The following EDA variants were observed in gnomAD, a reference collection of about 807,000 sequenced individuals.
EDA encodes ectodysplasin-A.
Under a neutral mutation model 23.6 loss-of-function variants are expected in EDA, and 2 were observed. The observed-to-expected ratio is 0.08, with a 90% CI of 0.03 to 0.27. EDA has a LOEUF of 0.27. Among genes scored for constraint, EDA ranks in the 10% least tolerant of loss-of-function variants. The pLI is 1.00. For synonymous variants in EDA, 131 were observed against 132.0 expected (o/e 0.99, Z 0.05); for missense variants, 229 against 324.2 (o/e 0.71, Z 2.26).
chrX:69,725,638 A>G (rs1192648499), intron 1 of EDA, among the ~76,000 whole-genome samples: 1 of 112,380 alleles, frequency 8.9e-6, no homozygotes, highest in African/African-American at 3.2e-5. Flanking sequence ...TTGAAGAGTT[A>G]TTGACACATA....
Position 69,616,184 on chromosome X carries a change from C to A in EDA, c.-125C>A. The A allele has an allele frequency of 3.6e-6, 3 of 824,365 alleles. No individual in the cohort carries two copies. Among genetic ancestry groups the A allele is most frequent in the Non-Finnish European group, 5.1e-6 (3 of 588,241 alleles). The allele number at this position is 824,365 out of a possible 1,213,427, so 67.9% of individuals were successfully genotyped here. On this transcript the variant is annotated 5_prime_UTR_variant, in exon 1 of 8. Coordinates refer to ENST00000374552, the MANE Select transcript of EDA (RefSeq NM_001399.5). ...GCTCCGTCCCGCCCAGCCACTGTCG[C>A]GCAGGAACGGGTCCCTGCAGCCCCC...
Position 69,781,685 on chromosome X carries a change from C to T in EDA, c.396+164981C>T, listed in dbSNP as rs193020274. 2.8e-4 allele frequency among the ~76,000 whole-genome samples: 31 copies of T among 110,612 alleles called. No homozygotes were observed. The East Asian group carries it at 7.7e-3, about 28-fold the overall frequency. ...TAGTATATTCTTTCGTATGACTTTC[C>T]GAAGTGGCCTCAACAGAAACCTATA... On this transcript the variant is annotated intron_variant, in intron 1 of 7. Transcript: ENST00000374552.
At chrX:69,935,362 C>A (rs2018657145) in intron 1 of EDA, among the ~76,000 whole-genome samples, 1 of 111,330 alleles carries the variant, frequency 9.0e-6, no homozygotes, top group Non-Finnish European at 1.9e-5. Context: ...TTTTGAGGAA[C>A]CTCCAAACTG....
intron 2 of EDA, among the ~76,000 whole-genome samples, chrX:70,015,379 C>G (rs1176588764): frequency 2.7e-5 from 3 of 111,642 alleles, no homozygotes; most frequent in African/African-American, 9.8e-5. Flanking sequence ...TTGAGACCAC[C>G]CTGGCCAACA....
intron 1 of EDA, among the ~76,000 whole-genome samples, chrX:69,932,068 TGAGA>T (rs914760137): frequency 1.5e-4 from 17 of 112,002 alleles, no homozygotes; most frequent in African/African-American, 5.5e-4. Context: ...CTAATTATGC[TGAGA>T]GAAAGAAGCC....
At chrX:69,653,870 C>T (rs1933194000) in intron 1 of EDA, among the ~76,000 whole-genome samples, 1 of 111,586 alleles carries the variant, frequency 9.0e-6, no homozygotes, top group Non-Finnish European at 1.9e-5. Context: ...TAGGCAATAC[C>T]ATTCAGGACA....
At chrX:69,831,348 T>G (rs1258704903) in intron 1 of EDA, among the ~76,000 whole-genome samples, 1 of 112,086 alleles carries the variant, frequency 8.9e-6, no homozygotes, top group African/African-American at 3.2e-5. Context: ...AGAATGATGG[T>G]TTCCAGCTTC....
intron 1 of EDA, among the ~76,000 whole-genome samples, chrX:69,619,061 T>C (rs1012616012): frequency 1.8e-5 from 2 of 112,371 alleles, no homozygotes; most frequent in Non-Finnish European, 3.8e-5. Flanking sequence ...TTCTACATTG[T>C]GCTGACAGAT....
At chrX:70,020,167 T>C (rs1019214135) in intron 2 of EDA, among the ~76,000 whole-genome samples, 3 of 111,713 alleles carry the variant, frequency 2.7e-5, no homozygotes, top group African/African-American at 9.7e-5. Flanking sequence ...ATTATTAGGT[T>C]TAACTACATG....
chrX:69,754,282 A>G (rs1466252411), intron 1 of EDA, among the ~76,000 whole-genome samples: 2 of 111,000 alleles, frequency 1.8e-5, no homozygotes, highest in Non-Finnish European at 3.8e-5. Context: ...CAAAATCAGC[A>G]TTTGTTTGTC....
chrX:69,792,719 T>G (rs1274078598), intron 1 of EDA, among the ~76,000 whole-genome samples: 2 of 112,253 alleles, frequency 1.8e-5, no homozygotes. Flanking sequence ...CCCGGATAAT[T>G]AGTGATATTG....
At chrX:69,947,599 T>C (rs1403210691) in intron 1 of EDA, among the ~76,000 whole-genome samples, 2 of 112,249 alleles carry the variant, frequency 1.8e-5, no homozygotes, top group East Asian at 5.6e-4. Flanking sequence ...CCTTCTGCCA[T>C]TGTATTTCTA....
chrX:70,030,428 T>G (rs376452253), intron 5 of EDA, 41 bp from the exon 6 acceptor site: 15 of 1,139,843 alleles, frequency 1.3e-5, no homozygotes, highest in Non-Finnish European at 1.7e-5. Flanking sequence ...CAAGCAGCCA[T>G]TACTCATAGT....
chrX:69,713,957 T>A (rs1164896191), intron 1 of EDA, among the ~76,000 whole-genome samples: 1 of 110,448 alleles, frequency 9.1e-6, no homozygotes, highest in Non-Finnish European at 1.9e-5. Flanking sequence ...TGCCAAACTA[T>A]TTACAATAAT....
intron 1 of EDA, among the ~76,000 whole-genome samples, chrX:69,718,214 T>G (rs931412225): frequency 6.2e-5 from 7 of 112,284 alleles, no homozygotes; most frequent in African/African-American, 2.3e-4. Flanking sequence ...GTAGTTTCCT[T>G]GGGATCTTCA....
intron 1 of EDA, among the ~76,000 whole-genome samples, chrX:69,650,382 A>T (rs915401025): frequency 1.8e-5 from 2 of 111,990 alleles, no homozygotes; most frequent in Admixed American, 1.9e-4. Flanking sequence ...ATATGTACTT[A>T]CAAAGGGCTA....
chrX:69,764,593 A>T (rs1418194248), intron 1 of EDA, among the ~76,000 whole-genome samples: 1 of 110,742 alleles, frequency 9.0e-6, no homozygotes, highest in East Asian at 2.8e-4. Context: ...CCTAATAAGT[A>T]TTACATAATA....
At chrX:69,683,435 G>A (rs1407161663) in intron 1 of EDA, among the ~76,000 whole-genome samples, 1 of 111,444 alleles carries the variant, frequency 9.0e-6, no homozygotes, top group African/African-American at 3.3e-5. Flanking sequence ...TCAAGAACCT[G>A]TCCAAACTAC....
At chrX:69,769,230 T>G (rs2014557310) in intron 1 of EDA, among the ~76,000 whole-genome samples, 2 of 111,844 alleles carry the variant, frequency 1.8e-5, no homozygotes, top group African/African-American at 6.5e-5. Flanking sequence ...TCCTAACTGA[T>G]TTTCTGTCTA....
Sources: allele counts gnomAD v4.1 joint callset (sites outside exome capture counted in the v4.1 genomes callset), GRCh38; gene constraint gnomAD v4.1.1; transcripts MANE v1.5; gene names NCBI Gene and HGNC (gene_info 2026-07-23, HGNC 2026-07-21).